The following LPP variants were observed in gnomAD, a reference collection of about 807,000 sequenced individuals.
LPP encodes lipoma-preferred partner.
LPP carries 38 observed loss-of-function variants against 60.4 expected under a neutral mutation model. The observed-to-expected ratio is 0.63, with a 90% CI of 0.49 to 0.83. LPP has a LOEUF of 0.83. Among genes scored for constraint, LPP ranks in the 40% least tolerant of loss-of-function variants. The pLI, the probability that LPP is intolerant of heterozygous loss-of-function variation, is 0.00. For synonymous variants in LPP, 328 were observed against 290.8 expected (o/e 1.13, Z -1.30); for missense variants, 902 against 783.6 (o/e 1.15, Z -1.80).
At chr3:188,840,673 T>C (rs1303275163) in intron 9 of LPP, among the ~76,000 whole-genome samples, 1 of 152,168 alleles carries the variant, frequency 6.6e-6, no homozygotes, top group Admixed American at 6.5e-5. Context: ...TAATTTCTTT[T>C]TAATTTTATA....
chr3:188,862,377 G>A (rs1365738242), intron 9 of LPP, among the ~76,000 whole-genome samples: 1 of 152,092 alleles, frequency 6.6e-6, no homozygotes, highest in African/African-American at 2.4e-5. Flanking sequence ...CTATGGGAGT[G>A]GAAGAAGTTA....
chr3:188,223,933 C>T (rs1716758367), intron 1 of LPP, among the ~76,000 whole-genome samples: 1 of 152,178 alleles, frequency 6.6e-6, no homozygotes, highest in Non-Finnish European at 1.5e-5. Flanking sequence ...TTGAAGACCA[C>T]TAGGTCTCAG....
At chr3:188,189,953 G>A (rs1315184031) in intron 1 of LPP, among the ~76,000 whole-genome samples, 2 of 152,042 alleles carry the variant, frequency 1.3e-5, no homozygotes, top group Admixed American at 6.6e-5. Flanking sequence ...AAGGAGAGGA[G>A]CAGGCACGTA....
At position 188,609,075 on chromosome 3, in the gene LPP, A is replaced by C. The variant is rs1843083226; in HGVS notation, c.430-86A>C. 1 of 951,960 alleles carries C rather than the reference A, an allele frequency of 1.1e-6. No homozygotes were observed. Among genetic ancestry groups the C allele is most frequent in the Non-Finnish European group, 1.6e-6 (1 of 631,556 alleles). The allele number at this position is 951,960 out of a possible 1,614,324, so 59.0% of individuals were successfully genotyped here. A position where few individuals can be genotyped will look rare whatever the true frequency, so the allele number is the denominator to read the frequency against. On this transcript the variant is annotated intron_variant, in intron 6 of 11. Coordinates refer to ENST00000617246, the MANE Select transcript of LPP (RefSeq NM_001375462.1). The surrounding 1 kb of genome is among the most constrained non-coding windows in gnomAD (Gnocchi z 6.9). Reference sequence around the variant, plus strand: ...TAATAAATAATAATTAGCAGTTATTAATATTTTTCATTTATTCATTTTTAT... The same window carrying C: ...TAATAAATAATAATTAGCAGTTATTCATATTTTTCATTTATTCATTTTTAT...
chr3:188,668,243 T>A (rs1856221405), intron 7 of LPP, among the ~76,000 whole-genome samples: 1 of 152,178 alleles, frequency 6.6e-6, no homozygotes. Flanking sequence ...TTAAAGATGA[T>A]GTGTTAAGTT....
At chr3:188,802,708 C>G (rs35431167) in intron 9 of LPP, among the ~76,000 whole-genome samples, 2 of 151,688 alleles carry the variant, frequency 1.3e-5, no homozygotes, top group African/African-American at 2.4e-5. Context: ...CACTTGAACC[C>G]GGGAGGTGGA....
At chr3:188,273,355 T>A (rs1242989930) in intron 2 of LPP, among the ~76,000 whole-genome samples, 1 of 152,202 alleles carries the variant, frequency 6.6e-6, no homozygotes, top group East Asian at 1.9e-4. Context: ...CGTGTGTACT[T>A]TCACTTATTT....
intron 5 of LPP, among the ~76,000 whole-genome samples, chr3:188,500,667 A>C (rs1811563724): frequency 6.6e-6 from 1 of 152,170 alleles, no homozygotes; most frequent in African/African-American, 2.4e-5. Flanking sequence ...AGAATTTACT[A>C]GTGAAGCCAT....
At chr3:188,465,470 A>C (rs760208547) in intron 4 of LPP, among the ~76,000 whole-genome samples, 22 of 152,298 alleles carry the variant, frequency 1.4e-4, no homozygotes, top group Middle Eastern at 3.4e-3. Context: ...CTGCTTTCAC[A>C]GGTCTTTTCA....
chr3:188,796,589 C>T lies in LPP; in HGVS notation c.1410+36307C>T, dbSNP rs767839409. 3.3e-5 allele frequency among the ~76,000 whole-genome samples: 5 copies of T among 152,126 alleles called. No individual in the cohort carries two copies. The East Asian group carries it at 5.8e-4, about 18-fold the overall frequency. Reference sequence around the variant, plus strand: ...TCAACATCTCTCCAACTCTCCTCATCGTTTCCCAGAGCTGAAAGTAAGATG... The same window carrying T: ...TCAACATCTCTCCAACTCTCCTCATTGTTTCCCAGAGCTGAAAGTAAGATG... On this transcript the variant is annotated intron_variant, in intron 9 of 11. Transcript: ENST00000617246.
At chr3:188,573,830 A>C (rs979564722) in intron 6 of LPP, among the ~76,000 whole-genome samples, 3 of 152,134 alleles carry the variant, frequency 2.0e-5, no homozygotes, top group African/African-American at 7.2e-5. Context: ...GAAGGGCTTC[A>C]ACTGGAAAAG....
intron 6 of LPP, among the ~76,000 whole-genome samples, chr3:188,558,314 G>C (rs1366634790): frequency 1.3e-5 from 2 of 151,980 alleles, no homozygotes; most frequent in South Asian, 2.1e-4. Context: ...TCTAGCTCTT[G>C]GTTGTTTCTC....
rs1365574818 is a variant in LPP at position 188,406,325 on chromosome 3, G to T, written c.193+12G>T. On this transcript the variant is annotated intron_variant, in intron 4 of 11. Transcript: ENST00000617246. ...ACCTGGAGGTGAGGGTAAGTGCTGGGATTTCAGAGTTGGTTACTTGGAGTA... is the reference window on the plus strand; with the variant it reads ...ACCTGGAGGTGAGGGTAAGTGCTGGTATTTCAGAGTTGGTTACTTGGAGTA... 2.5e-6 allele frequency: 4 copies of T among 1,610,044 alleles called. No individual in the cohort carries two copies. Among genetic ancestry groups the T allele is most frequent in the Non-Finnish European group, 3.4e-6 (4 of 1,177,556 alleles).
intron 9 of LPP, among the ~76,000 whole-genome samples, chr3:188,762,579 T>G (rs1331902937): frequency 1.3e-5 from 2 of 152,120 alleles, no homozygotes; most frequent in Non-Finnish European, 2.9e-5. Context: ...GTTTCTACAG[T>G]GTGTGGGCTC....
At chr3:188,421,712 T>C (rs891115283) in intron 4 of LPP, among the ~76,000 whole-genome samples, 1 of 152,192 alleles carries the variant, frequency 6.6e-6, no homozygotes, top group African/African-American at 2.4e-5. Context: ...AAGTTAATTA[T>C]TTTGGTCAGT....
rs1306095484 is a variant in LPP, at chr3:188,832,119, CAGGTGAATCTGTAA to C, written c.1411-34080_1411-34067del. 2.0e-5 allele frequency among the ~76,000 whole-genome samples: 3 copies of C among 152,146 alleles called. No individual in the cohort carries two copies. In the East Asian group the frequency reaches 5.8e-4, roughly 29 times the overall value. On this transcript the variant is annotated intron_variant, in intron 9 of 11. Coordinates refer to ENST00000617246, the MANE Select transcript of LPP (RefSeq NM_001375462.1). ...TCTGTGTAATACCTCTCCTTGAGTG[CAGGTGAATCTGTAA>C]CTTGCTTCTAATCAATAGAAGAAGG...
intron 7 of LPP, among the ~76,000 whole-genome samples, chr3:188,638,076 G>C (rs1849217940): frequency 6.7e-6 from 1 of 148,454 alleles, no homozygotes; most frequent in South Asian, 2.3e-4. Flanking sequence ...GAGAATTTTA[G>C]ACCAATATCC....
chr3:188,582,462 T>A (rs749112932), intron 6 of LPP, among the ~76,000 whole-genome samples: 10 of 152,132 alleles, frequency 6.6e-5, no homozygotes, highest in Non-Finnish European at 1.3e-4. Flanking sequence ...ATTACAGGCA[T>A]GAGCCACCGT....
chr3:188,383,250 T>C (rs1017795844), intron 3 of LPP, among the ~76,000 whole-genome samples: 2 of 152,230 alleles, frequency 1.3e-5, no homozygotes, highest in African/African-American at 4.8e-5. Context: ...TTTATCCTGT[T>C]ATGGTACATT....
Sources: allele counts gnomAD v4.1 joint callset (sites outside exome capture counted in the v4.1 genomes callset), GRCh38; gene constraint gnomAD v4.1.1; non-coding constraint Gnocchi (gnomAD v3.1); transcripts MANE v1.5; gene names NCBI Gene and HGNC (gene_info 2026-07-23, HGNC 2026-07-21).